GABPB1: variants seen among roughly 807,000 people sequenced by gnomAD.
The protein encoded by GABPB1 is GA-binding protein subunit beta-1.
In GABPB1, 15 loss-of-function variants were observed where a neutral mutation model predicts 45.9. The observed-to-expected ratio is 0.33, with a 90% CI of 0.22 to 0.50. The LOEUF (loss-of-function observed/expected upper bound fraction) is 0.50, where lower values mean the gene tolerates loss of function less well. Ranked by LOEUF, GABPB1 falls within the 20% of genes least tolerant of loss-of-function variation. The pLI is 0.98. For missense variants in GABPB1, 252 were observed against 457.5 expected (o/e 0.55, Z 4.10); for synonymous variants, 143 against 154.4 (o/e 0.93, Z 0.55).
intron 1 of GABPB1, among the ~76,000 whole-genome samples, chr15:50,310,507 C>G (rs1232299468): frequency 6.6e-6 from 1 of 152,140 alleles, no homozygotes; most frequent in African/African-American, 2.4e-5. Context: ...GTTGTTGGTG[C>G]AAATTAAACT....
intron 1 of GABPB1, among the ~76,000 whole-genome samples, chr15:50,318,890 C>G (rs2047448934): frequency 6.6e-6 from 1 of 152,214 alleles, no homozygotes; most frequent in Non-Finnish European, 1.5e-5. Flanking sequence ...CACACACACA[C>G]ACAGAGATAT....
intron 1 of GABPB1, among the ~76,000 whole-genome samples, chr15:50,325,039 C>T (rs2047701202): frequency 6.6e-6 from 1 of 152,050 alleles, no homozygotes; most frequent in Admixed American, 6.6e-5. Flanking sequence ...ATACCATGCC[C>T]AAGGAAGGTG....
chr15:50,296,905 CTTTTTTTTTTT>C (rs72486745), intron 6 of GABPB1, among the ~76,000 whole-genome samples: 3 of 91,392 alleles, frequency 3.3e-5, no homozygotes, highest in Admixed American at 1.4e-4. Context: ...TAACTTAATT[CTTTTTTTTTTT>C]TTTTTTTTTT....
At chr15:50,308,560 T>C (rs2047021913) in intron 2 of GABPB1, among the ~76,000 whole-genome samples, 1 of 152,212 alleles carries the variant, frequency 6.6e-6, no homozygotes, top group Admixed American at 6.5e-5. Context: ...ATTCCAGAAT[T>C]ATGAGATAAG....
intron 2 of GABPB1, among the ~76,000 whole-genome samples, chr15:50,307,670 C>A (rs1453798780): frequency 6.7e-6 from 1 of 150,284 alleles, no homozygotes; most frequent in East Asian, 1.9e-4. Flanking sequence ...CCATTGCACT[C>A]CAGCCCAGGC....
At chr15:50,303,576 G>A (rs1196884730) in intron 3 of GABPB1, among the ~76,000 whole-genome samples, 3 of 151,972 alleles carry the variant, frequency 2.0e-5, no homozygotes, top group African/African-American at 7.3e-5. Context: ...CAGCTACTCG[G>A]GAGGCTGAGG....
At chr15:50,332,743 C>T (rs2047988953) in intron 1 of GABPB1, among the ~76,000 whole-genome samples, 1 of 151,850 alleles carries the variant, frequency 6.6e-6, no homozygotes, top group African/African-American at 2.4e-5. Flanking sequence ...TAAAATTTTC[C>T]ATAAGAGGTT....
Position 50,286,050 on chromosome 15 carries a change from G to A in GABPB1, c.999+18C>T, listed in dbSNP as rs753055094. 2.5e-5 allele frequency: 40 copies of A among 1,609,942 alleles called. No individual in the cohort carries two copies. Among genetic ancestry groups the A allele is most frequent in the Admixed American group, 3.4e-5 (2 of 59,404 alleles). On this transcript the variant is annotated intron_variant, in intron 8 of 8. Transcript: ENST00000380877. ...TTGGATGACTGCGGCAAAGCACACC[G>A]GGTAAAAGACTCCTTACTTCTATTT...
At chr15:50,334,777 A>G (rs532891098) in intron 1 of GABPB1, among the ~76,000 whole-genome samples, 11 of 152,232 alleles carry the variant, frequency 7.2e-5, no homozygotes, top group African/African-American at 2.4e-4. Flanking sequence ...TGGTTTTTTC[A>G]AAACTATAAT....
intron 6 of GABPB1, among the ~76,000 whole-genome samples, chr15:50,295,318 T>A (rs2046474620): frequency 6.6e-6 from 1 of 152,188 alleles, no homozygotes; most frequent in African/African-American, 2.4e-5. Flanking sequence ...CTTGAGTGAC[T>A]CTTCCACTTA....
intron 1 of GABPB1, among the ~76,000 whole-genome samples, chr15:50,344,425 TG>T (rs927855391): frequency 5.3e-5 from 8 of 152,194 alleles, no homozygotes; most frequent in Admixed American, 5.2e-4. Context: ...TGTTTAGCAA[TG>T]GGTTCAAAAT....
At chr15:50,299,571 G>C (rs919398443) in intron 6 of GABPB1, among the ~76,000 whole-genome samples, 31 of 151,930 alleles carry the variant, frequency 2.0e-4, no homozygotes, top group Non-Finnish European at 1.3e-4. Context: ...GGCTAATTTT[G>C]TATTTTTAGC....
chr15:50,340,540 T>C (rs1004574905), intron 1 of GABPB1, among the ~76,000 whole-genome samples: 41 of 84,362 alleles, frequency 4.9e-4, no homozygotes, highest in African/African-American at 2.0e-3. Flanking sequence ...AGTATTTCTA[T>C]AATCACCAAA....
At chr15:50,308,871 G>C (rs2047034340) in intron 2 of GABPB1, among the ~76,000 whole-genome samples, 1 of 152,098 alleles carries the variant, frequency 6.6e-6, no homozygotes, top group Non-Finnish European at 1.5e-5. Flanking sequence ...CCTGGAATTT[G>C]CTTTAAAATA....
At chr15:50,293,060 T>C (rs1186514732) in intron 6 of GABPB1, among the ~76,000 whole-genome samples, 2 of 152,202 alleles carry the variant, frequency 1.3e-5, no homozygotes, top group African/African-American at 4.8e-5. Flanking sequence ...TGGCATGGTT[T>C]TTAATGTATT....
chr15:50,305,459 T>C (rs1392677191), intron 2 of GABPB1, among the ~76,000 whole-genome samples: 1 of 152,116 alleles, frequency 6.6e-6, no homozygotes, highest in East Asian at 1.9e-4. Context: ...TCAAGCAATC[T>C]GTCCACCTCA....
rs1434816342 is a variant in GABPB1, at chr15:50,303,073, A to G, written c.327T>C (p.His109=). Reference sequence around the variant, plus strand: ...CTTGATGATTGTGTTCTGTGGCCCAATGGAGAGCTGTCATCTTTAACATGT... The same window carrying G: ...CTTGATGATTGTGTTCTGTGGCCCAGTGGAGAGCTGTCATCTTTAACATGT... ...AKDMLKMTAL[H]WATEHNHQEV... Residue 109 remains histidine (H), a synonymous_variant, in exon 4 of 9, where the codon CAT becomes CAC. Transcript: ENST00000380877. 4.3e-6 allele frequency: 7 copies of G among 1,613,708 alleles called. No homozygotes were observed. Among genetic ancestry groups the G allele is most frequent in the Middle Eastern group, 1.6e-4 (1 of 6,082 alleles).
intron 1 of GABPB1, among the ~76,000 whole-genome samples, chr15:50,315,325 T>G (rs547229358): frequency 6.6e-6 from 1 of 152,214 alleles, no homozygotes; most frequent in East Asian, 1.9e-4. Context: ...AGAAATGGGT[T>G]TTTGCCATGT....
At chr15:50,316,180 G>A (rs2047320225) in intron 1 of GABPB1, among the ~76,000 whole-genome samples, 1 of 152,198 alleles carries the variant, frequency 6.6e-6, no homozygotes, top group African/African-American at 2.4e-5. Context: ...CAATTAAAAT[G>A]TATGTTAATA....
Sources: allele counts gnomAD v4.1 joint callset (sites outside exome capture counted in the v4.1 genomes callset), GRCh38; gene constraint gnomAD v4.1.1; transcripts MANE v1.5; gene names NCBI Gene and HGNC (gene_info 2026-07-23, HGNC 2026-07-21).